The following MCTP2 variants were observed in gnomAD, a reference collection of about 807,000 sequenced individuals.
MCTP2 encodes the protein multiple C2 and transmembrane domain-containing protein 2.
Under a neutral mutation model 111.6 loss-of-function variants are expected in MCTP2, and 132 were observed. The observed-to-expected ratio is 1.18, with a 90% CI of 1.03 to 1.37. The LOEUF is 1.37. Ranked by LOEUF, MCTP2 falls within the 40% of genes most tolerant of loss-of-function variation. MCTP2 has a pLI of 0.00. For missense variants in MCTP2, 1,183 were observed against 1,067.9 expected, an observed-to-expected ratio of 1.11 and a Z score of -1.50; for synonymous variants, 395 against 387.7, an observed-to-expected ratio of 1.02 and a Z score of -0.22.
At chr15:94,237,853 A>G (rs1013640244) in intron 1 of MCTP2, among the ~76,000 whole-genome samples, 7 of 152,038 alleles carry the variant, frequency 4.6e-5, no homozygotes, top group Admixed American at 4.6e-4. Context: ...GCTCTCCACA[A>G]TTTTTTATCT....
intron 17 of MCTP2, among the ~76,000 whole-genome samples, chr15:94,436,488 G>C (rs1471821069): frequency 6.6e-6 from 1 of 152,008 alleles, no homozygotes; most frequent in African/African-American, 2.4e-5. Flanking sequence ...ATATCTAAAG[G>C]CAATATGGTC....
chr15:94,364,434 A>G (rs557107484), intron 10 of MCTP2, among the ~76,000 whole-genome samples: 5 of 152,192 alleles, frequency 3.3e-5, no homozygotes, highest in Non-Finnish European at 7.3e-5. Context: ...AGAAAGACAT[A>G]AGAGCCCAAC....
At chr15:94,335,106 A>G (rs12908703) in intron 4 of MCTP2, among the ~76,000 whole-genome samples, 74,620 of 151,812 alleles carry the variant, frequency 0.49, 18,409 homozygotes, top group Admixed American at 0.54. Flanking sequence ...TATTTTCTCA[A>G]CTACCAGGTT....
chr15:94,458,709 A>G (rs927210198), intron 20 of MCTP2, among the ~76,000 whole-genome samples: 1 of 152,212 alleles, frequency 6.6e-6, no homozygotes, highest in Non-Finnish European at 1.5e-5. Context: ...ATGTGAAGTT[A>G]AGTCACCACA....
intron 1 of MCTP2, among the ~76,000 whole-genome samples, chr15:94,291,133 G>C (rs2075010964): frequency 6.6e-6 from 1 of 152,094 alleles, no homozygotes; most frequent in Non-Finnish European, 1.5e-5. Flanking sequence ...GGGGTCATAA[G>C]TCAAACCTTA....
chr15:94,324,311 T>G (rs1411522753), intron 4 of MCTP2, among the ~76,000 whole-genome samples: 1 of 152,216 alleles, frequency 6.6e-6, no homozygotes, highest in African/African-American at 2.4e-5. Context: ...TGGAAAACAA[T>G]AGCCCTCGCT....
intron 17 of MCTP2, among the ~76,000 whole-genome samples, chr15:94,417,315 T>C (rs1173347256): frequency 6.6e-6 from 1 of 152,142 alleles, no homozygotes; most frequent in Admixed American, 6.6e-5. Context: ...TTTTATCTGA[T>C]GTTAAAGACA....
intron 1 of MCTP2, among the ~76,000 whole-genome samples, chr15:94,256,883 G>A (rs559978681): frequency 2.0e-5 from 3 of 152,168 alleles, no homozygotes; most frequent in Admixed American, 1.3e-4. Context: ...CTCGTCCTGC[G>A]TGGAACATAT....
In MCTP2 at chr15:94,383,971, T is replaced by C. The variant is rs373120685; in HGVS notation, c.1583-51T>C. ...CTGACTCTTGTTCACATTGCCCTTG[T>C]CCCTTTCGAGATTCACTTGTCTTTG... On this transcript the variant is annotated intron_variant, in intron 12 of 22. Transcript: ENST00000357742. 1.3e-3 allele frequency: 1,714 copies of C among 1,307,066 alleles called. 16 individuals are homozygous for C. Among genetic ancestry groups the C allele is most frequent in the Middle Eastern group, 8.0e-3 (44 of 5,492 alleles). The allele number at this position is 1,307,066 out of a possible 1,614,324, so 81.0% of individuals were successfully genotyped here.
intron 8 of MCTP2, among the ~76,000 whole-genome samples, chr15:94,353,784 C>T (rs1358525591): frequency 6.6e-6 from 1 of 152,112 alleles, no homozygotes; most frequent in Non-Finnish European, 1.5e-5. Context: ...GAATCAAAAT[C>T]TCATTTTTGT....
chr15:94,265,841 T>C (rs1381227697), intron 1 of MCTP2, among the ~76,000 whole-genome samples: 1 of 152,204 alleles, frequency 6.6e-6, no homozygotes, highest in Non-Finnish European at 1.5e-5. Flanking sequence ...AATAATTAAA[T>C]CCTTATTTTT....
chr15:94,440,312 C>T lies in MCTP2; in HGVS notation c.2208+14C>T, dbSNP rs201705779. ...CAGGACAGCCAGGTAAGCAAGGATT[C>T]GGAGTTCTGACATTTGACTGCCGAG... On this transcript the variant is annotated intron_variant, in intron 18 of 22. Transcript: ENST00000357742. 1.2e-3 allele frequency: 1,879 copies of T among 1,613,158 alleles called. 4 individuals are homozygous for T. The highest frequency in any genetic ancestry group is 1.5e-3 in the Non-Finnish European group (1,795 of 1,179,628).
At chr15:94,304,441 C>A (rs573899857) in intron 2 of MCTP2, among the ~76,000 whole-genome samples, 10 of 151,826 alleles carry the variant, frequency 6.6e-5, no homozygotes, top group South Asian at 2.1e-4. Flanking sequence ...GATTCCATCT[C>A]AAAAAAAATA....
At chr15:94,276,414 A>C in intron 1 of MCTP2, among the ~76,000 whole-genome samples, 1 of 152,162 alleles carries the variant, frequency 6.6e-6, no homozygotes, top group Non-Finnish European at 1.5e-5. Context: ...TCACCAGTTA[A>C]ATAACTATTT....
chr15:94,298,972 T>C (rs1179653712), intron 2 of MCTP2, among the ~76,000 whole-genome samples: 1 of 46,342 alleles, frequency 2.2e-5, no homozygotes, highest in African/African-American at 8.7e-5. Context: ...CCTCTCTCCC[T>C]CTCCCTCTCC....
chr15:94,393,429 C>T (rs761890084), intron 14 of MCTP2, among the ~76,000 whole-genome samples: 25 of 152,042 alleles, frequency 1.6e-4, no homozygotes, highest in Admixed American at 4.6e-4. Flanking sequence ...TGCTTACCAT[C>T]GGGGAAAATG....
At chr15:94,241,376 A>G (rs1008305412) in intron 1 of MCTP2, among the ~76,000 whole-genome samples, 2 of 152,150 alleles carry the variant, frequency 1.3e-5, no homozygotes, top group African/African-American at 4.8e-5. Flanking sequence ...ATTTTTGTTT[A>G]AACTATTTTC....
At chr15:94,233,395 A>C (rs1268277389) in intron 1 of MCTP2, among the ~76,000 whole-genome samples, 1 of 152,120 alleles carries the variant, frequency 6.6e-6, no homozygotes, top group Admixed American at 6.5e-5. Flanking sequence ...AATTGCATAT[A>C]TATTCTCTCT....
At chr15:94,409,788 T>A (rs1567650239) in intron 17 of MCTP2, among the ~76,000 whole-genome samples, 1 of 151,980 alleles carries the variant, frequency 6.6e-6, no homozygotes, top group East Asian at 1.9e-4. Context: ...CTGCTAGATA[T>A]TGAAATGCAG....
Sources: gnomAD v4.1 joint callset for allele counts (sites outside exome capture counted in the v4.1 genomes callset) on GRCh38, gnomAD v4.1.1 for gene constraint, MANE v1.5 for transcripts, NCBI Gene and HGNC (gene_info 2026-07-23, HGNC 2026-07-21) for gene names.